Variants in YIF1B observed in about 807,000 individuals in gnomAD.
YIF1B encodes Yip1 interacting factor homolog B, membrane trafficking protein.
A neutral mutation model predicts 34.6 loss-of-function variants in YIF1B; 24 were observed. That is an observed-to-expected ratio of 0.69 (90% confidence interval 0.50 to 0.98). The LOEUF is 0.98. Ranked by LOEUF, YIF1B falls within the 50% of genes least tolerant of loss-of-function variation. The pLI is 0.00. For missense variants in YIF1B, 368 were observed against 429.4 expected (o/e 0.86, Z 1.26); for synonymous variants, 186 against 184.8 (o/e 1.01, Z -0.05).
chr19:38,313,554 C>G lies in YIF1B; in HGVS notation c.58+2306G>C, dbSNP rs142017658. On this transcript the variant is annotated intron_variant, in intron 1 of 7. Coordinates refer to ENST00000339413, the MANE Select transcript of YIF1B (RefSeq NM_001039672.3). ...GATTACAGGCGTGAGCCACCTAACCCGGCCCAGAGTGATCTTTTTAAATAC... is the reference window on the plus strand; with the variant it reads ...GATTACAGGCGTGAGCCACCTAACCGGGCCCAGAGTGATCTTTTTAAATAC... 8.5e-3 allele frequency among the ~76,000 whole-genome samples: 1,287 copies of G among 152,264 alleles called. 18 individuals are homozygous for G. Among genetic ancestry groups the G allele is most frequent in the Middle Eastern group, 0.02 (6 of 294 alleles).
chr19:38,307,491 G>C lies in YIF1B; in HGVS notation c.726C>G (p.Leu242=), dbSNP rs559166201. Reference sequence around the variant, plus strand: ...CCAGGTAGTAGCCAATCTTCCCGAAGAGCAGGCCCATGAGGACCCCGCCAA... The same window carrying C: ...CCAGGTAGTAGCCAATCTTCCCGAACAGCAGGCCCATGAGGACCCCGCCAA... The part of the protein sequence containing the change: ...GMIGGVLMGL[L]FGKIGYYLVL... The change falls in exon 7 of 8, where the codon CTC becomes CTG. Residue 242 remains leucine (L), a synonymous_variant. Transcript: ENST00000339413. The C allele has an allele frequency of 8.7e-6, 14 of 1,613,844 alleles. No individual in the cohort carries two copies. The highest frequency in any genetic ancestry group is 2.7e-5 in the African/African-American group (2 of 74,884).
chr19:38,305,049 T>C lies in YIF1B; in HGVS notation c.*303A>G. ...GTGCCTACTCTGGCCCGTCCCCAGC[T>C]CCCTGCCCCCTGCCCAGCGCTGGGC... On this transcript the variant is annotated 3_prime_UTR_variant, in exon 8 of 8. Coordinates refer to ENST00000339413, the MANE Select transcript of YIF1B (RefSeq NM_001039672.3). The C allele has an allele frequency of 6.5e-7, 1 of 1,537,796 alleles. No individual in the cohort carries two copies. Among genetic ancestry groups the C allele is most frequent in the Non-Finnish European group, 8.8e-7 (1 of 1,139,678 alleles).
intron 1 of YIF1B, among the ~76,000 whole-genome samples, chr19:38,311,516 C>T (rs1969326119): frequency 6.6e-6 from 1 of 152,078 alleles, no homozygotes; most frequent in Admixed American, 6.5e-5. Flanking sequence ...ATGCTATCAT[C>T]ATCCCCATTT....
upstream of YIF1B, chr19:38,316,060 C>G (rs544939183): frequency 2.2e-4 from 275 of 1,240,486 alleles, 4 homozygotes; most frequent in African/African-American, 1.9e-3. Context: ...TCCAGCCCCC[C>G]CCTTCACGGA....
rs985619771 is a variant in YIF1B at position 38,303,773 on chromosome 19, C to T, written c.*1579G>A. The stretch of plus-strand genomic sequence containing the variant: ...GTGACACAGCTGGCATCTAGTGCAG[C>T]AGGCTGGCTCCAAGTCTATGCCCCT... On this transcript the variant is annotated 3_prime_UTR_variant, in exon 8 of 8. Transcript: ENST00000339413. Among the ~76,000 whole-genome samples, 3 of 152,226 alleles carry T rather than the reference C, an allele frequency of 2.0e-5. No individual in the cohort carries two copies. Among genetic ancestry groups the T allele is most frequent in the African/African-American group, 7.2e-5 (3 of 41,456 alleles).
upstream of YIF1B, chr19:38,319,872 G>C (rs1363753425): frequency 2.3e-6 from 3 of 1,295,862 alleles, no homozygotes; most frequent in Admixed American, 8.3e-5. Context: ...CCCGGAACTG[G>C]AACTAGGTGC....
In YIF1B at chr19:38,304,832, C is replaced by T. The variant is rs1266069108; in HGVS notation, c.*520G>A. ...CCATCTCTTCTCTCCCATCCCTGCC[C>T]TCGGCCCCACAGTCCCACGCTGCTG... On this transcript the variant is annotated 3_prime_UTR_variant, in exon 8 of 8. Transcript: ENST00000339413. 6.2e-7 allele frequency: 1 copy of T among 1,613,692 alleles called. No homozygotes were observed. The highest frequency in any genetic ancestry group is 8.5e-7 in the Non-Finnish European group (1 of 1,179,986).
At chr19:38,306,053 T>C (rs940591405) in intron 7 of YIF1B, among the ~76,000 whole-genome samples, 2 of 151,638 alleles carry the variant, frequency 1.3e-5, no homozygotes, top group African/African-American at 4.8e-5. Context: ...AATACAAAAA[T>C]TAGCTGGGCG....
chr19:38,308,267 G>C (rs1381793657), intron 5 of YIF1B, among the ~76,000 whole-genome samples: 2 of 152,156 alleles, frequency 1.3e-5, no homozygotes, highest in South Asian at 4.1e-4. Flanking sequence ...GTAGTGGAGG[G>C]GAACACGCTC....
intron 1 of YIF1B, among the ~76,000 whole-genome samples, chr19:38,312,133 G>A (rs781558864): frequency 6.6e-6 from 1 of 151,036 alleles, no homozygotes; most frequent in Non-Finnish European, 1.5e-5. Flanking sequence ...AACAAAAAAC[G>A]TGGTAAGAGG....
intron 1 of YIF1B, among the ~76,000 whole-genome samples, chr19:38,312,161 C>G (rs961831532): frequency 2.0e-5 from 3 of 151,168 alleles, no homozygotes; most frequent in Non-Finnish European, 4.4e-5. Flanking sequence ...TGGTGTCTCA[C>G]GTCTATAATC....
intron 7 of YIF1B, among the ~76,000 whole-genome samples, 153 bp from the exon 8 acceptor site, chr19:38,305,660 G>A (rs1167701788): frequency 1.3e-5 from 2 of 152,182 alleles, no homozygotes; most frequent in African/African-American, 4.8e-5. Context: ...TTCTGCTCCC[G>A]GGGCCTCAGT....
upstream of YIF1B, among the ~76,000 whole-genome samples, chr19:38,318,193 C>CAAAAAAAAAAAAAAAAAAAAAAAAA (rs35748833): frequency 6.7e-5 from 2 of 29,874 alleles, 1 homozygote; most frequent in Non-Finnish European, 1.2e-4. Flanking sequence ...ACTCTTGTCT[C>CAAAAAAAAAAAAAAAAAAAAAAAAA]AAAAAAAAAA....
chr19:38,304,801 C>T lies in YIF1B; in HGVS notation c.*551G>A, dbSNP rs771489641. 2.5e-6 allele frequency: 4 copies of T among 1,613,388 alleles called. No individual in the cohort carries two copies. Among genetic ancestry groups the T allele is most frequent in the Admixed American group, 3.3e-5 (2 of 60,006 alleles). On this transcript the variant is annotated 3_prime_UTR_variant, in exon 8 of 8. Transcript: ENST00000339413. ...GTGGTCCCCCTGTCTCGCTTCCAGC[C>T]CAGAACCATCTCTTCTCTCCCATCC...
At position 38,306,652 on chromosome 19, in the gene YIF1B, T is replaced by G. The variant is rs182634706; in HGVS notation, c.789+776A>C. 1.1e-3 allele frequency: 271 copies of G among 251,514 alleles called. 2 individuals are homozygous for G. The highest frequency in any genetic ancestry group is 8.3e-4 in the Non-Finnish European group (106 of 127,734). 15.6% of individuals were successfully genotyped at this position (251,514 alleles called of 1,614,324 possible). The stretch of plus-strand genomic sequence containing the variant: ...TTGAGGTGCAAGTATCATCATCCTA[T>G]TTTACAAAAGGGGAAACTGAGTTTA... On this transcript the variant is annotated intron_variant, in intron 7 of 7. Transcript: ENST00000339413.
chr19:38,312,162 G>A (rs962857228), intron 1 of YIF1B, among the ~76,000 whole-genome samples: 13 of 151,378 alleles, frequency 8.6e-5, no homozygotes, highest in African/African-American at 3.2e-4. Flanking sequence ...GGTGTCTCAC[G>A]TCTATAATCC....
Position 38,305,255 on chromosome 19 carries a change from A to G in YIF1B, c.*97T>C. 1 of 1,496,148 alleles carries G rather than the reference A, an allele frequency of 6.7e-7. No homozygotes were observed. The highest frequency in any genetic ancestry group is 8.9e-7 in the Non-Finnish European group (1 of 1,121,492). The allele number at this position is 1,496,148 out of a possible 1,614,324, so 92.7% of individuals were successfully genotyped here. A position where few individuals can be genotyped will look rare whatever the true frequency, so the allele number is the denominator to read the frequency against. On this transcript the variant is annotated 3_prime_UTR_variant, in exon 8 of 8. Coordinates refer to ENST00000339413, the MANE Select transcript of YIF1B (RefSeq NM_001039672.3). ...GGATGGAGGCGGTGCCTGTGGCCAG[A>G]CAGGGTGGACCTTGGGGCCTGCAGG...
chr19:38,312,533 A>C (rs1212016641), intron 1 of YIF1B, among the ~76,000 whole-genome samples: 2 of 152,226 alleles, frequency 1.3e-5, no homozygotes, highest in East Asian at 1.9e-4. Flanking sequence ...ATTTGAACCC[A>C]GCACTCTGCC....
At position 38,304,553 on chromosome 19, in the gene YIF1B, G is replaced by A; in HGVS notation, c.*799C>T. The stretch of plus-strand genomic sequence containing the variant: ...GGCTGGGGTTGCCCCTGACCCCAGG[G>A]TCCTGCCTTAGGCCTCCAACTTCAG... On this transcript the variant is annotated 3_prime_UTR_variant, in exon 8 of 8. Transcript: ENST00000339413. 1 of 1,597,686 alleles carries A rather than the reference G, an allele frequency of 6.3e-7. No homozygotes were observed. Among genetic ancestry groups the A allele is most frequent in the African/African-American group, 1.3e-5 (1 of 74,916 alleles).
Sources: gnomAD v4.1 joint callset for allele counts (sites outside exome capture counted in the v4.1 genomes callset) on GRCh38, gnomAD v4.1.1 for gene constraint, MANE v1.5 for transcripts, NCBI Gene and HGNC (gene_info 2026-07-23, HGNC 2026-07-21) for gene names.